Variants in MBNL1 observed in about 807,000 individuals in gnomAD.
MBNL1 encodes the protein muscleblind-like protein 1.
MBNL1 carries 8 observed loss-of-function variants against 42.2 expected under a neutral mutation model. That is an observed-to-expected ratio of 0.19 (90% CI 0.11 to 0.34). The LOEUF is 0.34. Among genes scored for constraint, MBNL1 ranks in the 10% least tolerant of loss-of-function variants. The probability of loss-of-function intolerance (pLI) is 1.00; values close to 1 mark genes in which losing one functional copy is unlikely to be tolerated. For missense variants in MBNL1, 309 were observed against 495.3 expected, an observed-to-expected ratio of 0.62 and a Z score of 3.57; for synonymous variants, 169 against 173.9, an observed-to-expected ratio of 0.97 and a Z score of 0.22.
intron 2 of MBNL1, among the ~76,000 whole-genome samples, chr3:152,326,544 T>C (rs963773307): frequency 6.6e-6 from 1 of 152,136 alleles, no homozygotes; most frequent in East Asian, 1.9e-4. Flanking sequence ...ATGGTGACTT[T>C]TAATTATATA....
chr3:152,296,473 T>C lies in MBNL1; in HGVS notation c.-789-2932T>C, dbSNP rs138514379. ...TAAGAAAAAGTTCATGCTTAAGGGCTACTGTTATGGCTATGAAATATTCGT... is the reference window on the plus strand; with the variant it reads ...TAAGAAAAAGTTCATGCTTAAGGGCCACTGTTATGGCTATGAAATATTCGT... On this transcript the variant is annotated intron_variant, in intron 1 of 9. Coordinates refer to ENST00000324210, the MANE Select transcript of MBNL1 (RefSeq NM_021038.5). 3.8e-3 allele frequency among the ~76,000 whole-genome samples: 577 copies of C among 152,276 alleles called. 4 individuals carry two copies. The highest frequency in any genetic ancestry group is 0.013 in the African/African-American group (553 of 41,542).
At chr3:152,458,384 T>C (rs1445287350) in intron 8 of MBNL1, 2 of 575,516 alleles carry the variant, frequency 3.5e-6, no homozygotes, top group Non-Finnish European at 6.2e-6. Flanking sequence ...AAAATGCCTT[T>C]GTGTATCTGA....
At chr3:152,380,127 C>T (rs974123750) in intron 2 of MBNL1, among the ~76,000 whole-genome samples, 1 of 152,008 alleles carries the variant, frequency 6.6e-6, no homozygotes, top group African/African-American at 2.4e-5. Flanking sequence ...CTTCCCTATT[C>T]GTCACTTACT....
intron 2 of MBNL1, among the ~76,000 whole-genome samples, chr3:152,330,922 T>C (rs146042212): frequency 4.6e-5 from 7 of 152,240 alleles, no homozygotes; most frequent in Non-Finnish European, 1.0e-4. Context: ...TAGATAAGGA[T>C]TATCTACTAT....
At chr3:152,393,750 A>G (rs2097812564) in intron 2 of MBNL1, among the ~76,000 whole-genome samples, 1 of 152,208 alleles carries the variant, frequency 6.6e-6, no homozygotes, top group Non-Finnish European at 1.5e-5. Flanking sequence ...ATTAATGGAT[A>G]AATATGAGTA....
upstream of MBNL1, chr3:152,263,825 G>A (rs1253034804): frequency 2.6e-5 from 4 of 152,020 alleles, no homozygotes; most frequent in African/African-American, 9.7e-5. Flanking sequence ...TGCATTTTGA[G>A]TGTGATTAAT....
At chr3:152,442,376 C>A (rs2099156156) in intron 4 of MBNL1, among the ~76,000 whole-genome samples, 1 of 151,978 alleles carries the variant, frequency 6.6e-6, no homozygotes, top group Non-Finnish European at 1.5e-5. Context: ...TAAAAGATCA[C>A]CAAATAATAG....
intron 2 of MBNL1, chr3:152,339,920 C>G (rs1386780718): frequency 6.6e-6 from 1 of 152,104 alleles, no homozygotes. Context: ...CTTTTTCTTT[C>G]GTGTTTTTCT....
intron 2 of MBNL1, among the ~76,000 whole-genome samples, chr3:152,405,226 G>A (rs2098397692): frequency 1.3e-5 from 2 of 152,144 alleles, no homozygotes; most frequent in Non-Finnish European, 2.9e-5. Flanking sequence ...ATGATCAAGT[G>A]GGATACACTT....
intron 1 of MBNL1, among the ~76,000 whole-genome samples, chr3:152,289,751 A>G (rs1055489385): frequency 2.0e-5 from 3 of 152,144 alleles, no homozygotes; most frequent in Non-Finnish European, 2.9e-5. Context: ...AGAAATATCC[A>G]TAGGATTGTA....
chr3:152,303,814 G>A (rs182194507), intron 2 of MBNL1, among the ~76,000 whole-genome samples: 44 of 152,016 alleles, frequency 2.9e-4, no homozygotes, highest in African/African-American at 9.4e-4. Flanking sequence ...CATTTTTCAG[G>A]TACTAGGGAT....
At chr3:152,396,484 C>T (rs1215645500) in intron 2 of MBNL1, among the ~76,000 whole-genome samples, 1 of 152,110 alleles carries the variant, frequency 6.6e-6, no homozygotes, top group African/African-American at 2.4e-5. Flanking sequence ...TTTCACCTCT[C>T]TGAGCTTTAA....
At chr3:152,419,160 A>ATATCACT (rs1317646039) in intron 3 of MBNL1, among the ~76,000 whole-genome samples, 1 of 152,156 alleles carries the variant, frequency 6.6e-6, no homozygotes, top group African/African-American at 2.4e-5. Flanking sequence ...TGTCATTCCT[A>ATATCACT]TATCACTAAT....
intron 5 of MBNL1, 54 bp downstream of exon 5, chr3:152,445,593 C>A: frequency 1.3e-6 from 2 of 1,536,376 alleles, no homozygotes; most frequent in Admixed American, 2.1e-5. Context: ...GCAAAGTGAG[C>A]AACTATATCT....
chr3:152,459,936 C>CCTACTT (rs1742017883), intron 9 of MBNL1, among the ~76,000 whole-genome samples: 1 of 151,406 alleles, frequency 6.6e-6, no homozygotes, highest in African/African-American at 2.4e-5. Context: ...ATCCCATGCA[C>CCTACTT]CACCATACAC....
chr3:152,366,834 A>T lies in MBNL1; in HGVS notation c.175-48107A>T, dbSNP rs371726255. Reference sequence around the variant, plus strand: ...GTTATTTTAGATGGTGAATAAAGACAAATTTTCTTTAGATATCATCTCATT... The same window carrying T: ...GTTATTTTAGATGGTGAATAAAGACTAATTTTCTTTAGATATCATCTCATT... On this transcript the variant is annotated intron_variant, in intron 2 of 9. Coordinates refer to ENST00000324210, the MANE Select transcript of MBNL1 (RefSeq NM_021038.5). Among the ~76,000 whole-genome samples the T allele has an allele frequency of 6.0e-4, 92 of 152,266 alleles. No homozygotes were observed. The South Asian group carries it at 0.019, about 31-fold the overall frequency.
At position 152,463,562 on chromosome 3, in the gene MBNL1, T is replaced by C. The variant is rs1193661727; in HGVS notation, c.*1196T>C. ...TGCATGATAAACCAAAATATGAAAA[T>C]GGGAAATGTTTAATTAACCTAGTAA... On this transcript the variant is annotated 3_prime_UTR_variant, in exon 10 of 10. Transcript: ENST00000324210. 3 of 152,258 alleles carry C rather than the reference T, an allele frequency of 2.0e-5. No homozygotes were observed. The highest frequency in any genetic ancestry group is 2.9e-5 in the Non-Finnish European group (2 of 67,860). 9.4% of individuals were successfully genotyped at this position (152,258 alleles called of 1,614,324 possible). A position where few individuals can be genotyped will look rare whatever the true frequency, so the allele number is the denominator to read the frequency against.
At chr3:152,322,028 TTATAG>T (rs970332873) in intron 2 of MBNL1, among the ~76,000 whole-genome samples, 5 of 150,456 alleles carry the variant, frequency 3.3e-5, no homozygotes, top group African/African-American at 1.2e-4. Flanking sequence ...GGTTATGTTA[TTATAG>T]TATAGATATT....
chr3:152,328,344 ATG>A, intron 2 of MBNL1, among the ~76,000 whole-genome samples: 1 of 152,228 alleles, frequency 6.6e-6, no homozygotes. Flanking sequence ...ATCTAGGGTT[ATG>A]TTATGTTGTT....
Sources: gnomAD v4.1 joint callset for allele counts (sites outside exome capture counted in the v4.1 genomes callset) on GRCh38, gnomAD v4.1.1 for gene constraint, MANE v1.5 for transcripts, NCBI Gene and HGNC (gene_info 2026-07-23, HGNC 2026-07-21) for gene names.